The following MAP3K7 variants were observed in gnomAD, a reference collection of about 807,000 sequenced individuals.
MAP3K7 encodes TGF-beta activated kinase 1.
MAP3K7 carries 21 observed loss-of-function variants against 84.8 expected under a neutral mutation model. The observed-to-expected ratio is 0.25, with a 90% CI of 0.18 to 0.36. The LOEUF (loss-of-function observed/expected upper bound fraction) is 0.36, where lower values mean the gene tolerates loss of function less well. Ranked by LOEUF, MAP3K7 falls within the 10% of genes least tolerant of loss-of-function variation. MAP3K7 has a pLI of 1.00. For synonymous variants in MAP3K7, 241 were observed against 247.7 expected, an observed-to-expected ratio of 0.97 and a Z score of 0.25; for missense variants, 503 against 747.7, an observed-to-expected ratio of 0.67 and a Z score of 3.82.
At chr6:90,584,281 G>A (rs1293773039) in intron 1 of MAP3K7, among the ~76,000 whole-genome samples, 2 of 152,120 alleles carry the variant, frequency 1.3e-5, no homozygotes, top group African/African-American at 4.8e-5. Context: ...CCTGGATTGT[G>A]TAACACTGGT....
intron 2 of MAP3K7, among the ~76,000 whole-genome samples, 164 bp downstream of exon 2, chr6:90,571,520 AGAATTAAGAGTAT>A (rs1312538276): frequency 3.9e-5 from 6 of 152,110 alleles, no homozygotes; most frequent in Non-Finnish European, 7.4e-5. Flanking sequence ...ATTTTTAATC[AGAATTAAGAGTAT>A]GAACGAGAAA....
intron 1 of MAP3K7, among the ~76,000 whole-genome samples, chr6:90,575,361 G>A (rs982072238): frequency 1.3e-5 from 2 of 152,102 alleles, no homozygotes; most frequent in African/African-American, 4.8e-5. Flanking sequence ...GATAGGGTTA[G>A]GGTAGGGATT....
At chr6:90,551,369 T>G (rs537035700) in intron 8 of MAP3K7, 1 of 152,150 alleles carries the variant, frequency 6.6e-6, no homozygotes, top group African/African-American at 2.4e-5. Flanking sequence ...TCATAGATAT[T>G]TGAACTTTTT....
intron 12 of MAP3K7, chr6:90,542,377 G>A: frequency 2.0e-6 from 2 of 983,446 alleles, no homozygotes; most frequent in Non-Finnish European, 1.2e-6. Flanking sequence ...AGCCTAAAAA[G>A]AATATTTAAT....
chr6:90,520,479 T>C (rs1443198466), intron 14 of MAP3K7, among the ~76,000 whole-genome samples: 1 of 152,014 alleles, frequency 6.6e-6, no homozygotes, highest in Non-Finnish European at 1.5e-5. Flanking sequence ...AATGAGCCAG[T>C]GCATGTGAGG....
Position 90,516,541 on chromosome 6 carries a change from A to C in MAP3K7, c.1781T>G (p.Val594Gly). 1 of 1,612,070 alleles carries C rather than the reference A, an allele frequency of 6.2e-7. No individual in the cohort carries two copies. Among genetic ancestry groups the C allele is most frequent in the Non-Finnish European group, 8.5e-7 (1 of 1,178,924 alleles). The change falls in exon 17 of 17, where the codon GTC becomes GGC. Residue 594 changes from valine to glycine, a missense_variant. By Grantham distance (109) the Val-to-Gly change is moderately radical (BLOSUM62 -3). Around this residue, in one of 5 missense-constraint regions of MAP3K7, gnomAD observed 43 missense variants for 47.3 expected, o/e 0.91. Coordinates refer to ENST00000369329, the MANE Select transcript of MAP3K7 (RefSeq NM_145331.3). ...YYQQCKKQLEVIRSQQQKRQG... is the reference protein window; with the variant it reads ...YYQQCKKQLEGIRSQQQKRQG... ...TCGTTTCTGCTGCTGACTTCTGATG[A>C]CCTCTAGTTGTTTTTTGCATTGCTG... is the stretch of plus-strand genomic sequence containing the variant.
Position 90,552,184 on chromosome 6 carries a change from A to G in MAP3K7, c.737-5T>C, listed in dbSNP as rs1776199445. On this transcript the variant is annotated splice_polypyrimidine_tract_variant and splice_region_variant and intron_variant, in intron 7 of 16. Transcript: ENST00000369329. The stretch of plus-strand genomic sequence containing the variant: ...TTATCAGTGGTGGTCGAGTACCTAC[A>G]ATTGAAAATGAGAGGAAGGGGGGAA... The G allele has an allele frequency of 1.4e-5, 23 of 1,597,580 alleles. No individual in the cohort carries two copies. The highest frequency in any genetic ancestry group is 2.0e-5 in the Non-Finnish European group (23 of 1,167,150).
At chr6:90,532,572 C>T (rs890292239) in intron 13 of MAP3K7, among the ~76,000 whole-genome samples, 1 of 152,190 alleles carries the variant, frequency 6.6e-6, no homozygotes, top group African/African-American at 2.4e-5. Context: ...ATAATCATAA[C>T]TGTATCATCT....
intron 1 of MAP3K7, among the ~76,000 whole-genome samples, chr6:90,580,286 A>G (rs1165192865): frequency 6.6e-6 from 1 of 152,158 alleles, no homozygotes; most frequent in African/African-American, 2.4e-5. Context: ...ATAGATGGCC[A>G]CTCTTGAGAC....
Position 90,513,939 on chromosome 6 carries a change from C to T in MAP3K7, c.*2562G>A, listed in dbSNP as rs530508916. The T allele has an allele frequency of 1.2e-4, 19 of 152,158 alleles. No homozygotes were observed. Among genetic ancestry groups the T allele is most frequent in the Non-Finnish European group, 2.4e-4 (16 of 67,970 alleles). 9.4% of individuals were successfully genotyped at this position (152,158 alleles called of 1,614,324 possible). A position where few individuals can be genotyped will look rare whatever the true frequency, so the allele number is the denominator to read the frequency against. ...TAACAAATCTTTATATGTTGTGTTGCTATGCGGTAAATATTCTTAACTGAT... is the reference window on the plus strand; with the variant it reads ...TAACAAATCTTTATATGTTGTGTTGTTATGCGGTAAATATTCTTAACTGAT... On this transcript the variant is annotated 3_prime_UTR_variant, in exon 17 of 17. Transcript: ENST00000369329.
At chr6:90,526,212 C>A (rs188457029) in intron 13 of MAP3K7, among the ~76,000 whole-genome samples, 4 of 152,164 alleles carry the variant, frequency 2.6e-5, no homozygotes, top group African/African-American at 9.6e-5. Flanking sequence ...AAACAAAACA[C>A]ACACAGTAAA....
At chr6:90,561,540 A>C (rs896943740) in intron 4 of MAP3K7, 82 bp downstream of exon 4, 1 of 1,024,208 alleles carries the variant, frequency 9.8e-7, no homozygotes, top group African/African-American at 1.6e-5. Flanking sequence ...ATTGTGAAGA[A>C]TGTTAAACAA....
At chr6:90,544,669 A>G in intron 11 of MAP3K7, 37 bp from the exon 12 acceptor site, 1 of 1,510,776 alleles carries the variant, frequency 6.6e-7, no homozygotes, top group East Asian at 2.3e-5. Context: ...CATGCAAACA[A>G]CCACAAACAG....
rs1474423415 is a variant in MAP3K7 at position 90,515,116 on chromosome 6, TAC to T, written c.*1383_*1384del. On this transcript the variant is annotated 3_prime_UTR_variant, in exon 17 of 17. Transcript: ENST00000369329. ...ATCTGAAATAGAGCAAAAACTACAA[TAC>T]AGTCATGATAGAATTCTAATAATCA... 6.6e-6 allele frequency: 1 copy of T among 151,984 alleles called. No homozygotes were observed. Among genetic ancestry groups the T allele is most frequent in the Non-Finnish European group, 1.5e-5 (1 of 67,918 alleles). 9.4% of individuals were successfully genotyped at this position (151,984 alleles called of 1,614,324 possible).
intron 13 of MAP3K7, among the ~76,000 whole-genome samples, chr6:90,530,391 T>G (rs571453507): frequency 9.2e-5 from 14 of 152,208 alleles, no homozygotes; most frequent in Non-Finnish European, 1.8e-4. Context: ...TTGGACCTAA[T>G]AGGAATTTTA....
chr6:90,531,141 T>C (rs941135310), intron 13 of MAP3K7, among the ~76,000 whole-genome samples: 1 of 152,136 alleles, frequency 6.6e-6, no homozygotes, highest in Non-Finnish European at 1.5e-5. Flanking sequence ...TTACCATCAG[T>C]AGACATGAAC....
intron 3 of MAP3K7, 78 bp from the exon 4 acceptor site, chr6:90,561,745 T>G: frequency 2.1e-6 from 2 of 960,882 alleles, no homozygotes; most frequent in Non-Finnish European, 3.3e-6. Context: ...TTTAATTCAC[T>G]CCCCTGATTT....
At chr6:90,578,098 G>GT (rs1234127258) in intron 1 of MAP3K7, among the ~76,000 whole-genome samples, 3 of 152,128 alleles carry the variant, frequency 2.0e-5, no homozygotes, top group Non-Finnish European at 2.9e-5. Flanking sequence ...CATAAAAGAG[G>GT]TAAGTATTAC....
intron 5 of MAP3K7, 87 bp downstream of exon 5, chr6:90,559,989 G>A (rs998096002): frequency 1.4e-6 from 2 of 1,464,516 alleles, no homozygotes; most frequent in Non-Finnish European, 1.9e-6. Context: ...GTACAATAAT[G>A]AGCTTGAATT....
Sources: allele counts gnomAD v4.1 joint callset (sites outside exome capture counted in the v4.1 genomes callset), GRCh38; gene constraint gnomAD v4.1.1; regional missense constraint gnomAD v4.1.1; transcripts MANE v1.5; gene names NCBI Gene and HGNC (gene_info 2026-07-23, HGNC 2026-07-21).